FAR2: variants seen among roughly 807,000 people sequenced by gnomAD.
FAR2 encodes the protein epididymis secretory protein Li 81.
Under a neutral mutation model 56.0 loss-of-function variants are expected in FAR2, and 19 were observed. That is an observed-to-expected ratio of 0.34 (90% CI 0.24 to 0.50). The LOEUF is 0.50. FAR2 is among the 20% of genes least tolerant of loss of function. FAR2 has a pLI of 0.98. For synonymous variants in FAR2, 219 were observed against 218.8 expected (o/e 1.00, Z -0.01); for missense variants, 508 against 642.2 (o/e 0.79, Z 2.26).
chr12:29,241,325 T>A (rs1948030790), intron 1 of FAR2, among the ~76,000 whole-genome samples: 1 of 152,204 alleles, frequency 6.6e-6, no homozygotes, highest in South Asian at 2.1e-4. Flanking sequence ...CTTTCTATTT[T>A]GTATCTGATG....
At chr12:29,303,633 T>C (rs144557032) in intron 4 of FAR2, among the ~76,000 whole-genome samples, 19 of 152,276 alleles carry the variant, frequency 1.2e-4, no homozygotes, top group Non-Finnish European at 2.1e-4. Flanking sequence ...CTGGGAGATA[T>C]GAAAGGAGGT....
chr12:29,203,624 G>A (rs1947440808), intron 1 of FAR2, among the ~76,000 whole-genome samples: 1 of 152,244 alleles, frequency 6.6e-6, no homozygotes, highest in South Asian at 2.1e-4. Flanking sequence ...CTATATTTTG[G>A]TGTAGGAGTG....
chr12:29,297,280 G>A, intron 4 of FAR2, 80 bp downstream of exon 4: 2 of 1,361,620 alleles, frequency 1.5e-6, no homozygotes, highest in South Asian at 1.4e-5. Context: ...AGCTATTAAT[G>A]AGATGATGAA....
chr12:29,308,081 T>C, intron 5 of FAR2: 1 of 345,984 alleles, frequency 2.9e-6, no homozygotes, highest in East Asian at 5.5e-5. Flanking sequence ...AGCTTCTAAC[T>C]ACTCTAGTCT....
intron 1 of FAR2, among the ~76,000 whole-genome samples, chr12:29,253,363 ATATC>A (rs147631750): frequency 0.019 from 2,768 of 147,530 alleles, 60 homozygotes; most frequent in Non-Finnish European, 0.03. Flanking sequence ...ATCTATACAG[ATATC>A]TATCTATCTA....
chr12:29,309,357 T>C, intron 6 of FAR2, 127 bp downstream of exon 6: 1 of 707,274 alleles, frequency 1.4e-6, no homozygotes, highest in Non-Finnish European at 2.4e-6. Flanking sequence ...CTGAGGCATA[T>C]TATTTTAATT....
rs941820450 is a variant in FAR2, at chr12:29,334,962, T to C, written c.*1168T>C. The C allele has an allele frequency of 2.0e-5, 3 of 152,180 alleles. No homozygotes were observed. Among genetic ancestry groups the C allele is most frequent in the Admixed American group, 1.3e-4 (2 of 15,266 alleles). 9.4% of individuals were successfully genotyped at this position (152,180 alleles called of 1,614,324 possible). ...TCTCCAATTCCTATAGTAATAATAA[T>C]GTAACTGTTACACCAACTTTCCTCA... On this transcript the variant is annotated 3_prime_UTR_variant, in exon 12 of 12. Transcript: ENST00000536681.
intron 1 of FAR2, chr12:29,171,996 G>C (rs936566571): frequency 6.6e-5 from 10 of 150,722 alleles, no homozygotes; most frequent in African/African-American, 2.5e-4. Context: ...GAGCGCCTCT[G>C]TCTGGCCGCT....
At chr12:29,254,066 C>A (rs1313427712) in intron 1 of FAR2, among the ~76,000 whole-genome samples, 4 of 152,128 alleles carry the variant, frequency 2.6e-5, no homozygotes, top group Non-Finnish European at 2.9e-5. Context: ...CTATCTCTCC[C>A]CAGCTGGGAC....
chr12:29,330,639 T>C (rs1565528785), intron 10 of FAR2, among the ~76,000 whole-genome samples: 1 of 152,326 alleles, frequency 6.6e-6, no homozygotes, highest in East Asian at 1.9e-4. Context: ...TTCAATTACA[T>C]TCTTTAGAAG....
At chr12:29,276,205 C>T (rs962240178) in intron 2 of FAR2, among the ~76,000 whole-genome samples, 12 of 152,168 alleles carry the variant, frequency 7.9e-5, no homozygotes, top group African/African-American at 2.9e-4. Flanking sequence ...TGCCCTCAAG[C>T]CTTTCTGGAT....
intron 1 of FAR2, among the ~76,000 whole-genome samples, chr12:29,165,016 TG>T (rs1345130977): frequency 6.6e-6 from 1 of 152,186 alleles, no homozygotes; most frequent in Non-Finnish European, 1.5e-5. Context: ...GTTTGTGAAT[TG>T]TCTTTTCACT....
At chr12:29,243,972 C>A (rs552522265) in intron 1 of FAR2, among the ~76,000 whole-genome samples, 6 of 151,872 alleles carry the variant, frequency 4.0e-5, no homozygotes, top group African/African-American at 9.7e-5. Flanking sequence ...TAGCACAATC[C>A]CTGGAACATA....
At chr12:29,214,276 A>G (rs768284013) in intron 1 of FAR2, among the ~76,000 whole-genome samples, 1 of 152,226 alleles carries the variant, frequency 6.6e-6, no homozygotes, top group Non-Finnish European at 1.5e-5. Flanking sequence ...ACCAGACTTC[A>G]GGCATATAAA....
intron 8 of FAR2, among the ~76,000 whole-genome samples, chr12:29,313,715 A>AT (rs1015460037): frequency 6.6e-6 from 1 of 152,008 alleles, no homozygotes; most frequent in Admixed American, 6.6e-5. Context: ...CATTACATCA[A>AT]TTTTTTTGTC....
chr12:29,240,676 A>G (rs962200108), intron 1 of FAR2, among the ~76,000 whole-genome samples: 27 of 152,206 alleles, frequency 1.8e-4, no homozygotes, highest in Non-Finnish European at 3.4e-4. Context: ...ATATCCAGAG[A>G]TGAAGTCATT....
Position 29,321,895 on chromosome 12 carries a change from A to G in FAR2, c.1228A>G (p.Met410Val), listed in dbSNP as rs773802871. ...GAGCACGTACAATACAGAAATGCTG[A>G]TGTCTGAGCTGAGTCCTGAAGACCA... is the stretch of plus-strand genomic sequence containing the variant. Reference protein sequence around the residue: ...EWSTYNTEMLMSELSPEDQRV... With the variant: ...EWSTYNTEMLVSELSPEDQRV... Residue 410 changes from methionine to valine, a missense_variant, in exon 10 of 12, where the codon ATG becomes GTG. Coordinates refer to ENST00000536681, the MANE Select transcript of FAR2 (RefSeq NM_001271783.2). 2.5e-6 allele frequency: 4 copies of G among 1,613,612 alleles called. No individual in the cohort carries two copies. Among genetic ancestry groups the G allele is most frequent in the Non-Finnish European group, 1.7e-6 (2 of 1,179,676 alleles).
chr12:29,199,580 A>G (rs1414259391), intron 1 of FAR2, among the ~76,000 whole-genome samples: 1 of 148,608 alleles, frequency 6.7e-6, no homozygotes, highest in East Asian at 2.0e-4. Flanking sequence ...AGCCTGGGGG[A>G]CAGAGCGAGA....
At chr12:29,250,326 C>A (rs754237843) in intron 1 of FAR2, among the ~76,000 whole-genome samples, 2 of 152,066 alleles carry the variant, frequency 1.3e-5, no homozygotes, top group Non-Finnish European at 2.9e-5. Context: ...ACCAATCTCT[C>A]CTGGTTATTA....
Sources: allele counts gnomAD v4.1 joint callset (sites outside exome capture counted in the v4.1 genomes callset), GRCh38; gene constraint gnomAD v4.1.1; transcripts MANE v1.5; gene names NCBI Gene and HGNC (gene_info 2026-07-23, HGNC 2026-07-21).